Variants in CSMD3 observed in about 807,000 individuals in gnomAD.
The protein encoded by CSMD3 is CUB and sushi domain-containing protein 3.
In CSMD3, 177 loss-of-function variants were observed where a neutral mutation model predicts 435.2. That is an observed-to-expected ratio of 0.41 (90% confidence interval 0.36 to 0.46). The LOEUF (loss-of-function observed/expected upper bound fraction) is 0.46. Ranked by LOEUF, CSMD3 falls within the 20% of genes least tolerant of loss-of-function variation. The pLI is 0.34. For missense variants in CSMD3, 4,265 were observed against 4,504.6 expected (o/e 0.95, Z 1.52); for synonymous variants, 1,656 against 1,520.5 (o/e 1.09, Z -2.07).
intron 13 of CSMD3, among the ~76,000 whole-genome samples, chr8:112,736,281 G>T (rs552205445): frequency 1.3e-5 from 2 of 152,052 alleles, no homozygotes; most frequent in African/African-American, 4.8e-5. Flanking sequence ...GTTAAAATTT[G>T]ATTATGACTG....
intron 32 of CSMD3, among the ~76,000 whole-genome samples, chr8:112,436,533 T>G (rs1814370427): frequency 6.6e-6 from 1 of 151,866 alleles, no homozygotes; most frequent in Non-Finnish European, 1.5e-5. Context: ...GCTATAGTAG[T>G]TTTTCTGCTT....
In CSMD3 at chr8:112,313,928, T is replaced by C. The variant is rs766714567; in HGVS notation, c.7674A>G (p.Lys2558=). 1 of 1,609,020 alleles carries C rather than the reference T, an allele frequency of 6.2e-7. No individual in the cohort carries two copies. Among genetic ancestry groups the C allele is most frequent in the African/African-American group, 1.3e-5 (1 of 74,908 alleles). ...QWSADHGNNK[K]GFRIRYIAFY... Reference sequence around the variant, plus strand: ...TACCTATATATCTTATCCGGAAGCCTTTTTTGTTATTGCCATGATCTGCTG... The same window carrying C: ...TACCTATATATCTTATCCGGAAGCCCTTTTTGTTATTGCCATGATCTGCTG... Residue 2558 remains lysine, a synonymous_variant, in exon 49 of 71, where the codon AAA becomes AAG. Transcript: ENST00000297405.
At chr8:113,433,546 A>G (rs1228880381) in intron 1 of CSMD3, among the ~76,000 whole-genome samples, 1 of 152,226 alleles carries the variant, frequency 6.6e-6, no homozygotes, top group East Asian at 1.9e-4. Flanking sequence ...GGAGTCTCAG[A>G]GCACGCAGAA....
chr8:112,660,999 G>A (rs1158293535), intron 17 of CSMD3, among the ~76,000 whole-genome samples: 2 of 152,142 alleles, frequency 1.3e-5, no homozygotes, highest in Admixed American at 6.6e-5. Context: ...TAAACTGTAG[G>A]AAACATTCCT....
intron 2 of CSMD3, among the ~76,000 whole-genome samples, chr8:113,295,656 C>G (rs2093715541): frequency 6.6e-6 from 1 of 152,276 alleles, no homozygotes; most frequent in Middle Eastern, 3.4e-3. Flanking sequence ...CTTTGCAAGG[C>G]CCAGGTGGGC....
At chr8:113,310,235 T>C (rs1167021264) in intron 2 of CSMD3, 2 of 152,104 alleles carry the variant, frequency 1.3e-5, no homozygotes, top group African/African-American at 2.4e-5. Flanking sequence ...ATATTTCATA[T>C]GTATTAAGGT....
chr8:112,676,584 T>G (rs896085805), intron 16 of CSMD3, among the ~76,000 whole-genome samples: 1 of 152,150 alleles, frequency 6.6e-6, no homozygotes, highest in Non-Finnish European at 1.5e-5. Context: ...CATTAATGCA[T>G]CTTTCATTTT....
chr8:112,260,963 T>G (rs1390895907), intron 61 of CSMD3, among the ~76,000 whole-genome samples: 1 of 152,164 alleles, frequency 6.6e-6, no homozygotes, highest in Non-Finnish European at 1.5e-5. Flanking sequence ...ATAAAGTTAT[T>G]TTTAAAAATC....
intron 10 of CSMD3, among the ~76,000 whole-genome samples, chr8:112,861,250 C>T (rs922396285): frequency 2.0e-5 from 3 of 151,804 alleles, no homozygotes; most frequent in South Asian, 2.1e-4. Context: ...CTCCTCACTG[C>T]TACTATATTT....
intron 16 of CSMD3, among the ~76,000 whole-genome samples, chr8:112,678,362 A>AC (rs2075812531): frequency 6.6e-6 from 1 of 152,190 alleles, no homozygotes; most frequent in African/African-American, 2.4e-5. Flanking sequence ...TAAAAGCAAG[A>AC]CATCCACTAG....
In CSMD3 at chr8:112,506,297, C is replaced by A. The variant is rs538665588; in HGVS notation, c.4895+394G>T. On this transcript the variant is annotated intron_variant, in intron 29 of 70. Coordinates refer to ENST00000297405, the MANE Select transcript of CSMD3 (RefSeq NM_198123.2). Reference sequence around the variant, plus strand: ...TCACATAAAAACTAAGGAGCTTTAACATACTGGTGGCAGAAAAAGGAATTG... The same window carrying A: ...TCACATAAAAACTAAGGAGCTTTAAAATACTGGTGGCAGAAAAAGGAATTG... 7.2e-5 allele frequency among the ~76,000 whole-genome samples: 11 copies of A among 152,232 alleles called. No homozygotes were observed. In the East Asian group the frequency reaches 1.7e-3, roughly 24 times the overall value.
chr8:112,416,117 C>T (rs974331176), intron 32 of CSMD3, among the ~76,000 whole-genome samples: 4 of 151,980 alleles, frequency 2.6e-5, no homozygotes, highest in African/African-American at 9.7e-5. Context: ...GCTGTGTCCT[C>T]ATCCAAATCT....
intron 13 of CSMD3, among the ~76,000 whole-genome samples, chr8:112,760,155 T>A (rs1047068456): frequency 6.6e-6 from 1 of 152,190 alleles, no homozygotes; most frequent in Non-Finnish European, 1.5e-5. Flanking sequence ...GAATCAGATA[T>A]TGTGACAAAT....
intron 10 of CSMD3, among the ~76,000 whole-genome samples, chr8:112,875,264 G>C (rs574276445): frequency 6.6e-6 from 1 of 152,186 alleles, no homozygotes; most frequent in Non-Finnish European, 1.5e-5. Context: ...CTTCTGGCTT[G>C]TAGGGTTTCT....
At position 112,550,662 on chromosome 8, in the gene CSMD3, A is replaced by T; in HGVS notation, c.4564+9T>A. 1 of 1,550,790 alleles carries T rather than the reference A, an allele frequency of 6.4e-7. No homozygotes were observed. Among genetic ancestry groups the T allele is most frequent in the Non-Finnish European group, 8.9e-7 (1 of 1,123,500 alleles). On this transcript the variant is annotated intron_variant, in intron 27 of 70. Transcript: ENST00000297405. Reference sequence around the variant, plus strand: ...TTTTGCATTGAAGAAATTTTTTGAAAAAACTTACTTGAAAACTGAATTGCA... The same window carrying T: ...TTTTGCATTGAAGAAATTTTTTGAATAAACTTACTTGAAAACTGAATTGCA...
At chr8:112,306,471 T>C (rs370551293) in intron 50 of CSMD3, among the ~76,000 whole-genome samples, 51 of 152,310 alleles carry the variant, frequency 3.3e-4, no homozygotes, top group South Asian at 2.1e-3. Flanking sequence ...TGCATGGTTA[T>C]CAGCATTTGT....
intron 5 of CSMD3, among the ~76,000 whole-genome samples, chr8:113,049,665 G>A (rs1448129491): frequency 6.6e-6 from 1 of 152,118 alleles, no homozygotes; most frequent in Admixed American, 6.5e-5. Flanking sequence ...CCTTTATGTT[G>A]ACATTTTCAA....
intron 13 of CSMD3, among the ~76,000 whole-genome samples, chr8:112,761,726 A>T (rs1282850536): frequency 3.9e-5 from 6 of 152,022 alleles, no homozygotes; most frequent in Non-Finnish European, 8.8e-5. Context: ...GCATGCACCC[A>T]TATTTATTTA....
At chr8:112,834,662 T>G (rs967055707) in intron 11 of CSMD3, among the ~76,000 whole-genome samples, 17 of 151,822 alleles carry the variant, frequency 1.1e-4, no homozygotes, top group Admixed American at 7.9e-4. Flanking sequence ...CAAATAGACA[T>G]TTCCACCCAT....
Sources: gnomAD v4.1 joint callset for allele counts (sites outside exome capture counted in the v4.1 genomes callset) on GRCh38, gnomAD v4.1.1 for gene constraint, MANE v1.5 for transcripts, NCBI Gene and HGNC (gene_info 2026-07-23, HGNC 2026-07-21) for gene names.